The following EPHA5 variants were observed in gnomAD, a reference collection of about 807,000 sequenced individuals.
The protein encoded by EPHA5 is ephrin type-A receptor 5.
A neutral mutation model predicts 105.0 loss-of-function variants in EPHA5; 60 were observed. The ratio of observed to expected loss-of-function variants is 0.57; its 90% CI spans 0.46 to 0.71. The LOEUF (loss-of-function observed/expected upper bound fraction) is 0.71, where lower values mean the gene tolerates loss of function less well. Among genes scored for constraint, EPHA5 ranks in the 30% least tolerant of loss-of-function variants. The probability of loss-of-function intolerance (pLI) is 0.00; values close to 1 mark genes in which losing one functional copy is unlikely to be tolerated. For missense variants in EPHA5, 1,218 were observed against 1,274.7 expected, an observed-to-expected ratio of 0.96 and a Z score of 0.68; for synonymous variants, 513 against 449.1, an observed-to-expected ratio of 1.14 and a Z score of -1.80.
intron 3 of EPHA5, chr4:65,574,421 T>C: frequency 2.0e-6 from 1 of 491,158 alleles, no homozygotes; most frequent in South Asian, 9.2e-5. Flanking sequence ...ATAACTCAAA[T>C]ACATGTATTC....
intron 3 of EPHA5, among the ~76,000 whole-genome samples, chr4:65,513,123 G>T (rs553303843): frequency 2.0e-5 from 3 of 152,074 alleles, no homozygotes; most frequent in Non-Finnish European, 4.4e-5. Context: ...TTACTCTGAT[G>T]ATTTATGTCA....
At chr4:65,422,097 C>G (rs1434456652) in intron 5 of EPHA5, among the ~76,000 whole-genome samples, 1 of 152,102 alleles carries the variant, frequency 6.6e-6, no homozygotes, top group Admixed American at 6.6e-5. Context: ...CTTTCAAACA[C>G]TTAGTTAACA....
In EPHA5 at chr4:65,670,458, G is replaced by A. The variant is rs1484629602; in HGVS notation, c.-716C>T. 1 of 233,186 alleles carries A rather than the reference G, an allele frequency of 4.3e-6. No individual in the cohort carries two copies. The highest frequency in any genetic ancestry group is 2.2e-5 in the African/African-American group (1 of 45,346). 14.4% of individuals were successfully genotyped at this position (233,186 alleles called of 1,614,324 possible). A position where few individuals can be genotyped will look rare whatever the true frequency, so the allele number is the denominator to read the frequency against. On this transcript the variant is annotated 5_prime_UTR_variant, in exon 1 of 17. Coordinates refer to ENST00000613740, the MANE Select transcript of EPHA5 (RefSeq NM_001281766.3). ...TGTGCGCGGCTGCGAAGTCGAGGTT[G>A]AAACTGCACCGCCAAGGCGCGCTCC...
Position 65,670,298 on chromosome 4 carries a change from T to C in EPHA5, c.-556A>G. The C allele has an allele frequency of 8.6e-6, 2 of 233,658 alleles. No homozygotes were observed. Among genetic ancestry groups the C allele is most frequent in the Non-Finnish European group, 1.7e-5 (2 of 118,324 alleles). The allele number at this position is 233,658 out of a possible 1,614,324, so 14.5% of individuals were successfully genotyped here. A position where few individuals can be genotyped will look rare whatever the true frequency, so the allele number is the denominator to read the frequency against. On this transcript the variant is annotated 5_prime_UTR_variant, in exon 1 of 17. Coordinates refer to ENST00000613740, the MANE Select transcript of EPHA5 (RefSeq NM_001281766.3). ...GCAAAGATCCAGAGTTCAAAGAGAC[T>C]GGCAGAAGGAAATAGCTGCGGGCTG... is the stretch of plus-strand genomic sequence containing the variant.
intron 8 of EPHA5, among the ~76,000 whole-genome samples, chr4:65,400,058 G>A (rs1179457944): frequency 1.3e-5 from 2 of 151,974 alleles, no homozygotes; most frequent in Non-Finnish European, 2.9e-5. Context: ...CATATTTAAA[G>A]TATTAAAAAG....
At chr4:65,583,420 T>G (rs989588846) in intron 3 of EPHA5, among the ~76,000 whole-genome samples, 15 of 151,848 alleles carry the variant, frequency 9.9e-5, no homozygotes, top group African/African-American at 3.1e-4. Context: ...TCTTACTGTG[T>G]AGTTTTCTAG....
chr4:65,342,488 T>G (rs971817710), intron 14 of EPHA5, among the ~76,000 whole-genome samples: 4 of 151,868 alleles, frequency 2.6e-5, no homozygotes, highest in Non-Finnish European at 4.4e-5. Context: ...CTCTTTATTT[T>G]AGCAAGAAAT....
chr4:65,344,315 G>A (rs979172326), intron 14 of EPHA5, among the ~76,000 whole-genome samples: 3 of 152,092 alleles, frequency 2.0e-5, no homozygotes, highest in Non-Finnish European at 4.4e-5. Flanking sequence ...GAGAGCCAAG[G>A]CATACTAATA....
chr4:65,658,287 G>A (rs1232418881), intron 1 of EPHA5, among the ~76,000 whole-genome samples: 1 of 152,058 alleles, frequency 6.6e-6, no homozygotes, highest in African/African-American at 2.4e-5. Context: ...CAGGGAAGGG[G>A]AACAGGCAGG....
At chr4:65,576,074 A>AGAGAG (rs1376285834) in intron 3 of EPHA5, among the ~76,000 whole-genome samples, 1 of 85,428 alleles carries the variant, frequency 1.2e-5, no homozygotes, top group Non-Finnish European at 2.4e-5. Flanking sequence ...AAAAGAAAAG[A>AGAGAG]AAAGAAAAGA....
At chr4:65,594,668 C>G (rs1373806755) in intron 3 of EPHA5, among the ~76,000 whole-genome samples, 7 of 152,090 alleles carry the variant, frequency 4.6e-5, no homozygotes, top group Non-Finnish European at 8.8e-5. Flanking sequence ...TCTTTCATTG[C>G]CAAGTCCCCG....
chr4:65,446,509 T>C (rs1401894337), intron 5 of EPHA5, among the ~76,000 whole-genome samples: 1 of 152,180 alleles, frequency 6.6e-6, no homozygotes, highest in East Asian at 1.9e-4. Context: ...AAGAGGCTAT[T>C]ACAATGTGGA....
At chr4:65,555,795 G>T (rs1483946326) in intron 3 of EPHA5, among the ~76,000 whole-genome samples, 1 of 141,066 alleles carries the variant, frequency 7.1e-6, no homozygotes, top group East Asian at 1.9e-4. Context: ...AGACTGTCAA[G>T]TAGGAGTACT....
In EPHA5 at chr4:65,320,907, A is replaced by G. The variant is rs1254644320; in HGVS notation, c.*3207T>C. ...TACAGTAATCTTACAACCTTAGAAT[A>G]CTGACTTGGTAATTGAAACACAAGA... On this transcript the variant is annotated 3_prime_UTR_variant, in exon 17 of 17. Transcript: ENST00000613740. 4.3e-6 allele frequency: 1 copy of G among 230,338 alleles called. No homozygotes were observed. The highest frequency in any genetic ancestry group is 2.2e-5 in the African/African-American group (1 of 45,154). The allele number at this position is 230,338 out of a possible 1,614,324, so 14.3% of individuals were successfully genotyped here.
At chr4:65,452,256 A>G (rs1727138390) in intron 5 of EPHA5, among the ~76,000 whole-genome samples, 1 of 152,148 alleles carries the variant, frequency 6.6e-6, no homozygotes, top group African/African-American at 2.4e-5. Flanking sequence ...GTTAAAATTT[A>G]TAACCAATTT....
In EPHA5 at chr4:65,415,203, C is replaced by T. The variant is rs144105358; in HGVS notation, c.1528-760G>A. On this transcript the variant is annotated intron_variant, in intron 6 of 16. Transcript: ENST00000613740. Reference sequence around the variant, plus strand: ...TATCTCTGTGAAGTTACCACACCAACTTTACCATGGATACAGAAATCACAT... The same window carrying T: ...TATCTCTGTGAAGTTACCACACCAATTTTACCATGGATACAGAAATCACAT... Among the ~76,000 whole-genome samples the T allele has an allele frequency of 4.6e-5, 7 of 152,204 alleles. No homozygotes were observed. The East Asian group carries it at 1.2e-3, about 25-fold the overall frequency.
Position 65,375,709 on chromosome 4 carries a change from A to C in EPHA5, c.1794-8285T>G, listed in dbSNP as rs370412263. ...CAGAGATAATTTATCTATGTTAAAA[A>C]CTATAATTGACACTAAAGTAGAATA... On this transcript the variant is annotated intron_variant, in intron 8 of 16. Coordinates refer to ENST00000613740, the MANE Select transcript of EPHA5 (RefSeq NM_001281766.3). 2.6e-5 allele frequency among the ~76,000 whole-genome samples: 4 copies of C among 151,822 alleles called. No individual in the cohort carries two copies. In the South Asian group the frequency reaches 8.3e-4, roughly 31 times the overall value.
intron 16 of EPHA5, 62 bp downstream of exon 16, chr4:65,331,911 G>T (rs1362297283): frequency 3.2e-6 from 5 of 1,547,372 alleles, no homozygotes; most frequent in Admixed American, 2.0e-5. Context: ...CATCCAGATT[G>T]GTTTTTGAAC....
intron 3 of EPHA5, among the ~76,000 whole-genome samples, chr4:65,557,733 A>C (rs542096366): frequency 6.6e-6 from 1 of 152,116 alleles, no homozygotes; most frequent in Admixed American, 6.6e-5. Flanking sequence ...TCTGGCAACC[A>C]TCTGAGGCTT....
Sources: gnomAD v4.1 joint callset for allele counts (sites outside exome capture counted in the v4.1 genomes callset) on GRCh38, gnomAD v4.1.1 for gene constraint, MANE v1.5 for transcripts, NCBI Gene and HGNC (gene_info 2026-07-23, HGNC 2026-07-21) for gene names.